Variants in ERF observed in about 807,000 individuals in gnomAD.
ERF encodes ETS domain-containing transcription factor ERF.
ERF carries 10 observed loss-of-function variants against 41.6 expected under a neutral mutation model. That is an observed-to-expected ratio of 0.24 (90% confidence interval 0.15 to 0.41). ERF has a LOEUF of 0.41. ERF is among the 10% of genes least tolerant of loss of function. The probability of loss-of-function intolerance (pLI) is 1.00; values close to 1 mark genes in which losing one functional copy is unlikely to be tolerated. For missense variants in ERF, 621 were observed against 763.2 expected (o/e 0.81, Z 2.19); for synonymous variants, 395 against 342.4 (o/e 1.15, Z -1.70).
Position 42,248,819 on chromosome 19 carries a change from C to T in ERF, c.1293G>A (p.Ser431=), listed in dbSNP as rs1050195236. ...CCTCTACCTCCTCCGACTCGCCTTC[C>T]GAGATGGGCTCCACCTTGATCTGTG... is the stretch of plus-strand genomic sequence containing the variant. ...PPPQIKVEPI[S]EGESEEVEVT... is the part of the protein sequence containing the mutation. The change falls in exon 4 of 4, where the codon TCG becomes TCA. Residue 431 remains serine, a synonymous_variant. Transcript: ENST00000222329. This position sits in a 1 kb window ranked among gnomAD's most constrained non-coding sequence, Gnocchi z 4.2. The T allele has an allele frequency of 6.8e-6, 11 of 1,613,220 alleles. No individual in the cohort carries two copies. Among genetic ancestry groups the T allele is most frequent in the South Asian group, 3.3e-5 (3 of 91,068 alleles).
In ERF at chr19:42,248,788, C is replaced by T; in HGVS notation, c.1324G>A (p.Asp442Asn). 1 of 1,613,532 alleles carries T rather than the reference C, an allele frequency of 6.2e-7. No homozygotes were observed. Among genetic ancestry groups the T allele is most frequent in the Non-Finnish European group, 8.5e-7 (1 of 1,179,964 alleles). The change falls in exon 4 of 4, where the codon GAC (aspartate) becomes AAC (asparagine). Residue 442 changes from aspartate (D) to asparagine (N), a missense_variant. Around this residue, in one of 3 missense-constraint regions of ERF, gnomAD observed 569 missense variants for 625.5 expected, o/e 0.91. Transcript: ENST00000222329. This position sits in a 1 kb window ranked among gnomAD's most constrained non-coding sequence, Gnocchi z 4.2. ...EGESEEVEVT[D>N]ISDEDEEDGE... ...TCTTCCTCATCCTCATCACTGATGTCAGTCACCTCTACCTCCTCCGACTCG... is the reference window on the plus strand; with the variant it reads ...TCTTCCTCATCCTCATCACTGATGTTAGTCACCTCTACCTCCTCCGACTCG...
intron 1 of ERF, chr19:42,254,655 GCAACGTGA>G (rs1030623455): frequency 2.1e-4 from 54 of 254,300 alleles, no homozygotes; most frequent in African/African-American, 1.2e-3. Flanking sequence ...CCCCCAGAGT[GCAACGTGA>G]CAAGAGCGGA....
In ERF at chr19:42,249,277, G is replaced by A. The variant is rs2036396774; in HGVS notation, c.835C>T (p.Pro279Ser). 1 of 1,607,266 alleles carries A rather than the reference G, an allele frequency of 6.2e-7. No homozygotes were observed. Among genetic ancestry groups the A allele is most frequent in the African/African-American group, 1.3e-5 (1 of 74,836 alleles). Residue 279 changes from proline (P) to serine (S), a missense_variant, in exon 4 of 4, where the codon CCC (proline) becomes TCC (serine). Pro to Ser is a moderately conservative substitution (Grantham distance 74, BLOSUM62 -1). This residue lies in a region of ERF where 569 missense variants were observed against 625.5 expected (regional missense o/e 0.91). Coordinates refer to ENST00000222329, the MANE Select transcript of ERF (RefSeq NM_006494.4). The surrounding 1 kb of genome is among the most constrained non-coding windows in gnomAD (Gnocchi z 8.6). ...PMTPTHLAYT[P>S]SPTLSPMYPS... ...TACATCGGGCTCAGCGTGGGCGAGG[G>A]AGTGTAGGCCAGGTGGGTGGGCGTC...
chr19:42,249,177 C>T lies in ERF; in HGVS notation c.935G>A (p.Arg312Gln), dbSNP rs752101971. ...HFSFSPEDMK[R>Q]YLQAHTQSVY... Reference sequence around the variant, plus strand: ...GCTTTGGGTGTGGGCCTGCAGGTACCGTTTCATGTCCTCAGGGCTGAAGGA... The same window carrying T: ...GCTTTGGGTGTGGGCCTGCAGGTACTGTTTCATGTCCTCAGGGCTGAAGGA... Residue 312 changes from arginine to glutamine, a missense_variant, in exon 4 of 4, where the codon CGG becomes CAG. By Grantham distance (43) the Arg-to-Gln change is conservative. Coordinates refer to ENST00000222329, the MANE Select transcript of ERF (RefSeq NM_006494.4). This position sits in a 1 kb window ranked among gnomAD's most constrained non-coding sequence, Gnocchi z 8.6. 19 of 1,613,676 alleles carry T rather than the reference C, an allele frequency of 1.2e-5. No homozygotes were observed. Among genetic ancestry groups the T allele is most frequent in the Admixed American group, 1.7e-5 (1 of 59,982 alleles).
rs570928659 is a variant in ERF at position 42,255,051 on chromosome 19, C to A, written c.-52G>T. On this transcript the variant is annotated 5_prime_UTR_variant, in exon 1 of 4. Coordinates refer to ENST00000222329, the MANE Select transcript of ERF (RefSeq NM_006494.4). ...CGATTCCGGGCCGCGGCTCCCGGCGCCCTCGCTGCCCCGTCCCGTCCCGCG... is the reference window on the plus strand; with the variant it reads ...CGATTCCGGGCCGCGGCTCCCGGCGACCTCGCTGCCCCGTCCCGTCCCGCG... 169 of 1,325,236 alleles carry A rather than the reference C, an allele frequency of 1.3e-4. No homozygotes were observed. The South Asian group carries it at 1.6e-3, about 13-fold the overall frequency. The allele number at this position is 1,325,236 out of a possible 1,614,324, so 82.1% of individuals were successfully genotyped here. A position where few individuals can be genotyped will look rare whatever the true frequency, so the allele number is the denominator to read the frequency against.
At chr19:42,253,324 G>A (rs1420053108) in intron 1 of ERF, among the ~76,000 whole-genome samples, 2 of 152,190 alleles carry the variant, frequency 1.3e-5, no homozygotes, top group Admixed American at 1.3e-4. Flanking sequence ...GACCGGGATG[G>A]AGAACTGGAT....
Position 42,249,987 on chromosome 19 carries a change from C to T in ERF, c.258-45G>A. The T allele has an allele frequency of 6.4e-7, 1 of 1,565,846 alleles. No individual in the cohort carries two copies. The highest frequency in any genetic ancestry group is 8.8e-7 in the Non-Finnish European group (1 of 1,136,438). ...ATTGGGAAGGTCAGGTACGTGGGAC[C>T]CAGGTCTAGACTCCACACCTTAACA... On this transcript the variant is annotated intron_variant, in intron 2 of 3. Coordinates refer to ENST00000222329, the MANE Select transcript of ERF (RefSeq NM_006494.4). This position sits in a 1 kb window ranked among gnomAD's most constrained non-coding sequence, Gnocchi z 8.6.
intron 1 of ERF, among the ~76,000 whole-genome samples, chr19:42,252,469 G>T (rs774437191): frequency 6.6e-5 from 10 of 151,996 alleles, no homozygotes; most frequent in Non-Finnish European, 1.3e-4. Flanking sequence ...AAACTTTGCA[G>T]AAGAGAGGGA....
intron 1 of ERF, chr19:42,254,758 C>T (rs974153367): frequency 1.3e-4 from 59 of 459,376 alleles, no homozygotes; most frequent in Admixed American, 6.4e-4. Context: ...AGGACCAAGA[C>T]CCGCAGCACC....
rs542601690 is a variant in ERF at position 42,250,116 on chromosome 19, C to T, written c.258-174G>A. On this transcript the variant is annotated intron_variant, in intron 2 of 3. Coordinates refer to ENST00000222329, the MANE Select transcript of ERF (RefSeq NM_006494.4). This position sits in a 1 kb window ranked among gnomAD's most constrained non-coding sequence, Gnocchi z 5.1. ...ACCAGCTCTCTCCTCACATCTAAGG[C>T]AGGACTAGAGGATCCACTGGTGACT... 2 of 761,796 alleles carry T rather than the reference C, an allele frequency of 2.6e-6. No individual in the cohort carries two copies. The highest frequency in any genetic ancestry group is 5.3e-5 in the East Asian group (2 of 37,906). 47.2% of individuals were successfully genotyped at this position (761,796 alleles called of 1,614,324 possible).
rs1415117272 is a variant in ERF at position 42,249,290 on chromosome 19, G to C, written c.822C>G (p.His274Gln). The change falls in exon 4 of 4, where the codon CAC becomes CAG. Residue 274 changes from histidine to glutamine, a missense_variant. Physicochemically the swap from His to Gln is conservative, Grantham distance 24 (BLOSUM62 0). Around this residue, in one of 3 missense-constraint regions of ERF, gnomAD observed 569 missense variants for 625.5 expected, o/e 0.91. Coordinates refer to ENST00000222329, the MANE Select transcript of ERF (RefSeq NM_006494.4). The surrounding 1 kb of genome is among the most constrained non-coding windows in gnomAD (Gnocchi z 8.6). ...GCGTGGGCGAGGGAGTGTAGGCCAG[G>C]TGGGTGGGCGTCATGGGCAGAGCCG... is the stretch of plus-strand genomic sequence containing the variant. ...LSPALPMTPT[H>Q]LAYTPSPTLS... is the part of the protein sequence containing the mutation. 3 of 1,603,116 alleles carry C rather than the reference G, an allele frequency of 1.9e-6. No homozygotes were observed. The highest frequency in any genetic ancestry group is 1.7e-6 in the Non-Finnish European group (2 of 1,174,914).
Position 42,248,593 on chromosome 19 carries a change from C to T in ERF, c.1519G>A (p.Glu507Lys). ...GGGPAGGFED[E>K]GEDKKVRGEG... ...CCACGCACCTTCTTGTCCTCACCCTCATCCTCAAAGCCCCCAGCGGGGCCC... is the reference window on the plus strand; with the variant it reads ...CCACGCACCTTCTTGTCCTCACCCTTATCCTCAAAGCCCCCAGCGGGGCCC... Residue 507 changes from glutamate to lysine, a missense_variant, in exon 4 of 4, where the codon GAG becomes AAG. Coordinates refer to ENST00000222329, the MANE Select transcript of ERF (RefSeq NM_006494.4). The surrounding 1 kb of genome is among the most constrained non-coding windows in gnomAD (Gnocchi z 4.2). The T allele has an allele frequency of 6.3e-7, 1 of 1,585,094 alleles. No homozygotes were observed. The highest frequency in any genetic ancestry group is 8.6e-7 in the Non-Finnish European group (1 of 1,164,834).
chr19:42,253,983 G>A, intron 1 of ERF: 1 of 995,258 alleles, frequency 1.0e-6, no homozygotes, highest in Non-Finnish European at 1.2e-6. Context: ...ACGGGCAGGG[G>A]GCGGCTGGGA....
At chr19:42,253,340 G>A (rs888313814) in intron 1 of ERF, among the ~76,000 whole-genome samples, 3 of 152,182 alleles carry the variant, frequency 2.0e-5, no homozygotes, top group Admixed American at 1.3e-4. Context: ...TGGATGGAGG[G>A]GTGCGGAGCG....
At position 42,255,076 on chromosome 19, in the gene ERF, G is replaced by A. The variant is rs2146960336; in HGVS notation, c.-77C>T. On this transcript the variant is annotated 5_prime_UTR_variant, in exon 1 of 4. Transcript: ENST00000222329. ...CCCTCGCTGCCCCGTCCCGTCCCGC[G>A]CCCGTCGGGCCGCCCTCGCCGCCTC... 1 of 1,213,586 alleles carries A rather than the reference G, an allele frequency of 8.2e-7. No individual in the cohort carries two copies. Among genetic ancestry groups the A allele is most frequent in the Non-Finnish European group, 1.0e-6 (1 of 959,318 alleles). 75.2% of individuals were successfully genotyped at this position (1,213,586 alleles called of 1,614,324 possible). A position where few individuals can be genotyped will look rare whatever the true frequency, so the allele number is the denominator to read the frequency against.
In ERF at chr19:42,248,994, G is replaced by C; in HGVS notation, c.1118C>G (p.Ser373Cys). The C allele has an allele frequency of 1.2e-6, 2 of 1,609,204 alleles. No individual in the cohort carries two copies. The highest frequency in any genetic ancestry group is 1.7e-5 in the Admixed American group (1 of 59,996). Residue 373 changes from serine to cysteine, a missense_variant, in exon 4 of 4, where the codon TCC becomes TGC. Physicochemically the swap from Ser to Cys is moderately radical, Grantham distance 112. Transcript: ENST00000222329. This position sits in a 1 kb window ranked among gnomAD's most constrained non-coding sequence, Gnocchi z 4.2. ...CGGCTGGAGCTTAAACTTGAATGGGGAGGAAGAAGAAGAAGAGGATGACGA... is the reference window on the plus strand; with the variant it reads ...CGGCTGGAGCTTAAACTTGAATGGGCAGGAAGAAGAAGAAGAGGATGACGA... ...SASSSSSSSS[S>C]PFKFKLQPPP... is the part of the protein sequence containing the mutation.
chr19:42,249,434 G>C lies in ERF; in HGVS notation c.678C>G (p.Pro226=). ...AGACTCGGAAGACACCAGGGTCATG[G>C]GGCAGGCGGGCCAGCGGGGGCCCTC... is the stretch of plus-strand genomic sequence containing the variant. ...AFRGPPLARL[P]HDPGVFRVYP... The change falls in exon 4 of 4, where the codon CCC becomes CCG. Residue 226 remains proline (P), a synonymous_variant. Transcript: ENST00000222329. The surrounding 1 kb of genome is among the most constrained non-coding windows in gnomAD (Gnocchi z 8.6). 2 of 1,592,964 alleles carry C rather than the reference G, an allele frequency of 1.3e-6. No individual in the cohort carries two copies. The highest frequency in any genetic ancestry group is 8.5e-7 in the Non-Finnish European group (1 of 1,170,208).
At chr19:42,254,007 G>A (rs1416668247) in intron 1 of ERF, 9 of 936,016 alleles carry the variant, frequency 9.6e-6, no homozygotes, top group Admixed American at 6.2e-5. Flanking sequence ...CTCCCCCTGC[G>A]CGCTCGGGCG....
intron 1 of ERF, 42 bp downstream of exon 1, chr19:42,254,936 G>A: frequency 6.6e-7 from 1 of 1,516,744 alleles, no homozygotes; most frequent in African/African-American, 1.5e-5. Flanking sequence ...TCGGTTTCCC[G>A]GGGCAACAAG....
Sources: allele counts gnomAD v4.1 joint callset (sites outside exome capture counted in the v4.1 genomes callset), GRCh38; gene constraint gnomAD v4.1.1; regional missense constraint gnomAD v4.1.1; non-coding constraint Gnocchi (gnomAD v3.1); transcripts MANE v1.5; gene names NCBI Gene and HGNC (gene_info 2026-07-23, HGNC 2026-07-21).